CFAP99: variants seen among roughly 807,000 people sequenced by gnomAD.
The protein encoded by CFAP99 is cilia and flagella associated protein 99.
CFAP99 carries 84 observed loss-of-function variants against 82.7 expected under a neutral mutation model. The observed-to-expected ratio is 1.02, with a 90% CI of 0.85 to 1.22. The LOEUF (loss-of-function observed/expected upper bound fraction) is 1.22. Ranked by LOEUF, CFAP99 falls within the 50% of genes most tolerant of loss-of-function variation. CFAP99 has a pLI of 0.00. For synonymous variants in CFAP99, 456 were observed against 429.5 expected (o/e 1.06, Z -0.76); for missense variants, 1,059 against 983.5 (o/e 1.08, Z -1.03).
intron 2 of CFAP99, among the ~76,000 whole-genome samples, chr4:2,435,109 A>C (rs1328006928): frequency 6.6e-5 from 10 of 152,148 alleles, no homozygotes; most frequent in African/African-American, 2.2e-4. Context: ...CAGCCTGGCC[A>C]ACATGGTGAA....
intron 2 of CFAP99, among the ~76,000 whole-genome samples, chr4:2,436,433 G>A (rs1733908007): frequency 6.6e-6 from 1 of 152,132 alleles, no homozygotes; most frequent in East Asian, 1.9e-4. Flanking sequence ...AGTTCCGTGG[G>A]GTTAGGCACA....
chr4:2,449,591 G>A, intron 6 of CFAP99, 79 bp from the exon 7 acceptor site: 1 of 1,301,484 alleles, frequency 7.7e-7, no homozygotes, highest in Admixed American at 2.0e-5. Flanking sequence ...CATCCACCAA[G>A]CTGTCAGCCC....
chr4:2,441,164 A>T (rs1734029140), intron 4 of CFAP99, among the ~76,000 whole-genome samples: 1 of 151,678 alleles, frequency 6.6e-6, no homozygotes, highest in Non-Finnish European at 1.5e-5. Flanking sequence ...TGAGGTCAGG[A>T]GTTTGAGACC....
intron 4 of CFAP99, among the ~76,000 whole-genome samples, chr4:2,442,019 G>A (rs1005928345): frequency 2.6e-5 from 4 of 152,178 alleles, no homozygotes; most frequent in African/African-American, 7.2e-5. Flanking sequence ...CAGACCCACC[G>A]CAAAGCCCCA....
At chr4:2,455,455 C>T (rs1245826449) in intron 11 of CFAP99, among the ~76,000 whole-genome samples, 1 of 152,082 alleles carries the variant, frequency 6.6e-6, no homozygotes, top group Non-Finnish European at 1.5e-5. Context: ...GGGCGATCAC[C>T]TGAGGTCAGG....
At position 2,462,220 on chromosome 4, in the gene CFAP99, T is replaced by C. The variant is rs28516423; in HGVS notation, c.1662-223T>C. The stretch of plus-strand genomic sequence containing the variant: ...AAGAAAAAAAGAGCAAAAGGGTAGA[T>C]AGAAGTGCTGGAGACTCCCCCAACC... On this transcript the variant is annotated intron_variant, in intron 14 of 14. Transcript: ENST00000635017. The surrounding 1 kb of genome is among the most constrained non-coding windows in gnomAD (Gnocchi z 4.1). 346 of 418,394 alleles carry C rather than the reference T, an allele frequency of 8.3e-4. No individual in the cohort carries two copies. The highest frequency in any genetic ancestry group is 6.5e-3 in the African/African-American group (312 of 48,352). 25.9% of individuals were successfully genotyped at this position (418,394 alleles called of 1,614,324 possible). A position where few individuals can be genotyped will look rare whatever the true frequency, so the allele number is the denominator to read the frequency against.
intron 11 of CFAP99, among the ~76,000 whole-genome samples, chr4:2,457,125 T>G (rs1017517004): frequency 6.6e-6 from 1 of 151,868 alleles, no homozygotes; most frequent in South Asian, 2.1e-4. Context: ...GCTAGTTTTG[T>G]ATTTTCTGTA....
intron 1 of CFAP99, among the ~76,000 whole-genome samples, chr4:2,424,915 C>T (rs1203785): frequency 0.16 from 24,815 of 152,104 alleles, 2,196 homozygotes; most frequent in East Asian, 0.33. Context: ...AGTTCTAGGG[C>T]GTTTTCTTGT....
At chr4:2,458,727 C>T (rs1335343831) in exon 12 of CFAP99, 1 of 1,532,910 alleles carries the variant, frequency 6.5e-7, no homozygotes, top group African/African-American at 1.4e-5. Flanking sequence ...GGGCAGATGG[C>T]CAAGCTGATG....
At chr4:2,440,149 C>CTTTTTTTTTTTT (rs1253819268) in intron 4 of CFAP99, among the ~76,000 whole-genome samples, 1,227 of 103,884 alleles carry the variant, frequency 0.012, 148 homozygotes, top group African/African-American at 0.053. Context: ...GCTTGACATT[C>CTTTTTTTTTTTT]TTTTTTTTTT....
At chr4:2,458,514 AG>A (rs1311668058) in intron 11 of CFAP99, among the ~76,000 whole-genome samples, 5 of 152,142 alleles carry the variant, frequency 3.3e-5, no homozygotes, top group African/African-American at 1.2e-4. Flanking sequence ...ACTGGGAGGA[AG>A]GGAGAGGACA....
intron 5 of CFAP99, among the ~76,000 whole-genome samples, chr4:2,444,613 C>T (rs778073720): frequency 3.3e-5 from 5 of 152,048 alleles, no homozygotes; most frequent in Non-Finnish European, 7.4e-5. Context: ...TTCCCAAACC[C>T]CTGCTCGACA....
At chr4:2,434,657 G>A (rs1560379974) in intron 2 of CFAP99, among the ~76,000 whole-genome samples, 1 of 152,224 alleles carries the variant, frequency 6.6e-6, no homozygotes, top group Non-Finnish European at 1.5e-5. Context: ...AGGCAGGGGC[G>A]AGCAGAAGGC....
intron 10 of CFAP99, among the ~76,000 whole-genome samples, chr4:2,451,890 T>G (rs1734310729): frequency 7.1e-6 from 1 of 141,188 alleles, no homozygotes; most frequent in African/African-American, 2.7e-5. Context: ...TTGGACAGAG[T>G]GAGGGTAGAC....
intron 14 of CFAP99, among the ~76,000 whole-genome samples, chr4:2,461,006 G>A (rs909103237): frequency 1.3e-5 from 2 of 152,172 alleles, no homozygotes; most frequent in African/African-American, 4.8e-5. Flanking sequence ...CAAAATGCTG[G>A]GATTACAGGT....
intron 9 of CFAP99, 112 bp downstream of exon 9, chr4:2,451,130 GGAC>G: frequency 1.4e-6 from 2 of 1,451,000 alleles, no homozygotes; most frequent in Non-Finnish European, 1.9e-6. Context: ...AGAGTCCCAA[GGAC>G]GGCCCCACCC....
At chr4:2,428,326 T>C (rs1040781265) in intron 2 of CFAP99, 2 of 152,286 alleles carry the variant, frequency 1.3e-5, no homozygotes, top group African/African-American at 2.4e-5. Flanking sequence ...CTCCTATCCG[T>C]CCCCCTCATT....
At chr4:2,452,253 G>T (rs1734321113) in exon 11 of CFAP99, 4 of 1,535,980 alleles carry the variant, frequency 2.6e-6, no homozygotes, top group South Asian at 2.4e-5. Flanking sequence ...AGTGCCGGCG[G>T]TTGCAAGGGA....
At chr4:2,430,864 G>C (rs1004750917) in intron 2 of CFAP99, among the ~76,000 whole-genome samples, 3 of 151,714 alleles carry the variant, frequency 2.0e-5, no homozygotes, top group African/African-American at 7.3e-5. Context: ...CTTGAGGCCA[G>C]GAGTTTGAGA....
Sources: gnomAD v4.1 joint callset for allele counts (sites outside exome capture counted in the v4.1 genomes callset) on GRCh38, gnomAD v4.1.1 for gene constraint, Gnocchi (gnomAD v3.1) non-coding constraint, MANE v1.5 for transcripts, NCBI Gene and HGNC (gene_info 2026-07-23, HGNC 2026-07-21) for gene names.